Variants in RERE observed in about 807,000 individuals in gnomAD.
The protein encoded by RERE is arginine-glutamic acid dipeptide repeats, also known as arginine-glutamic acid dipeptide repeats protein.
In RERE, 40 loss-of-function variants were observed where a neutral mutation model predicts 146.1. The observed-to-expected ratio is 0.27, with a 90% CI of 0.21 to 0.36. The LOEUF is 0.36. Among genes scored for constraint, RERE ranks in the 10% least tolerant of loss-of-function variants. RERE has a pLI of 1.00. For synonymous variants in RERE, 1,003 were observed against 866.0 expected (o/e 1.16, Z -2.78); for missense variants, 1,933 against 2,138.7 (o/e 0.90, Z 1.90).
At chr1:8,575,383 C>T (rs916765388) in intron 4 of RERE, among the ~76,000 whole-genome samples, 16 of 135,462 alleles carry the variant, frequency 1.2e-4, no homozygotes, top group Admixed American at 9.7e-4. Flanking sequence ...AAAAAGTAAC[C>T]TTTTTTTTTT....
At chr1:8,766,577 A>G (rs1048410515) in intron 1 of RERE, among the ~76,000 whole-genome samples, 1 of 148,760 alleles carries the variant, frequency 6.7e-6, no homozygotes, top group Non-Finnish European at 1.5e-5. Flanking sequence ...AAGAAAAAAA[A>G]GAGAGAGAGA....
At chr1:8,359,124 C>T (rs1342209206) in intron 19 of RERE, among the ~76,000 whole-genome samples, 1 of 152,196 alleles carries the variant, frequency 6.6e-6, no homozygotes, top group Non-Finnish European at 1.5e-5. Context: ...CGCAGCTCCC[C>T]TCAGGCCCAG....
chr1:8,365,257 C>T (rs958577278), intron 13 of RERE, among the ~76,000 whole-genome samples: 1 of 152,182 alleles, frequency 6.6e-6, no homozygotes, highest in Admixed American at 6.5e-5. Flanking sequence ...CACCGGCGCC[C>T]CTCAGGTTCA....
intron 8 of RERE, among the ~76,000 whole-genome samples, chr1:8,503,990 T>A (rs936871831): frequency 1.2e-4 from 18 of 152,058 alleles, no homozygotes; most frequent in Non-Finnish European, 2.6e-4. Context: ...AAGATATACA[T>A]AAAAGAAGGA....
intron 1 of RERE, among the ~76,000 whole-genome samples, chr1:8,744,654 C>CT (rs1266727420): frequency 6.6e-6 from 1 of 152,158 alleles, no homozygotes; most frequent in Non-Finnish European, 1.5e-5. Context: ...GACCTTCAAA[C>CT]TTTAGCGATA....
At chr1:8,683,031 CAAAAAAAAAA>C (rs71580039) in intron 1 of RERE, among the ~76,000 whole-genome samples, 10 of 65,728 alleles carry the variant, frequency 1.5e-4, no homozygotes, top group South Asian at 7.3e-4. Flanking sequence ...CTGTCTTTAC[CAAAAAAAAAA>C]AAAAAAAAAA....
chr1:8,735,410 A>C (rs2124493776), intron 1 of RERE, among the ~76,000 whole-genome samples: 1 of 152,366 alleles, frequency 6.6e-6, no homozygotes, highest in Admixed American at 6.5e-5. Flanking sequence ...CATATACAGC[A>C]TGCACACACA....
intron 11 of RERE, chr1:8,465,281 A>G: frequency 6.2e-6 from 1 of 162,268 alleles, no homozygotes; most frequent in African/African-American, 2.4e-5. Context: ...TCAACAGGCC[A>G]CAGCAATACA....
At chr1:8,485,104 G>A (rs535150481) in intron 10 of RERE, among the ~76,000 whole-genome samples, 1 of 152,288 alleles carries the variant, frequency 6.6e-6, no homozygotes, top group African/African-American at 2.4e-5. Context: ...GCTTACTCCT[G>A]TAACCCCAGC....
At chr1:8,725,796 T>C (rs562268434) in intron 1 of RERE, among the ~76,000 whole-genome samples, 19 of 152,184 alleles carry the variant, frequency 1.2e-4, no homozygotes, top group African/African-American at 1.9e-4. Context: ...TGAAAATGCA[T>C]AGAAGGTTAA....
chr1:8,631,194 T>C (rs561128782), intron 2 of RERE, among the ~76,000 whole-genome samples: 52 of 152,334 alleles, frequency 3.4e-4, no homozygotes, highest in Admixed American at 9.8e-4. Context: ...TCCCAATGTA[T>C]TGAAAACTTA....
chr1:8,791,814 T>C (rs1472809363), intron 1 of RERE, among the ~76,000 whole-genome samples: 1 of 151,626 alleles, frequency 6.6e-6, no homozygotes, highest in African/African-American at 2.4e-5. Flanking sequence ...CCTATAACTC[T>C]TTAAGAGTCA....
chr1:8,520,754 TAAAA>T (rs145670197), intron 7 of RERE, among the ~76,000 whole-genome samples: 1 of 92,976 alleles, frequency 1.1e-5, no homozygotes, highest in Non-Finnish European at 1.9e-5. Flanking sequence ...AAAAACTTTT[TAAAA>T]AAAAAAAAAA....
intron 1 of RERE, among the ~76,000 whole-genome samples, chr1:8,773,511 T>C (rs1239488193): frequency 6.6e-6 from 1 of 151,894 alleles, no homozygotes; most frequent in Non-Finnish European, 1.5e-5. Context: ...CTGCACAACA[T>C]GGCAAAACCC....
intron 1 of RERE, among the ~76,000 whole-genome samples, chr1:8,680,062 A>G (rs1638928964): frequency 6.6e-6 from 1 of 152,138 alleles, no homozygotes; most frequent in Admixed American, 6.5e-5. Context: ...TTAGTGATGT[A>G]TGGGGAAGGT....
intron 7 of RERE, among the ~76,000 whole-genome samples, chr1:8,528,854 G>C (rs1048448432): frequency 6.6e-6 from 1 of 152,070 alleles, no homozygotes; most frequent in Admixed American, 6.6e-5. Context: ...AAAAGAGATA[G>C]AGGTTATCTC....
At chr1:8,405,739 A>T (rs1264312362) in intron 12 of RERE, among the ~76,000 whole-genome samples, 1 of 152,034 alleles carries the variant, frequency 6.6e-6, no homozygotes, top group Non-Finnish European at 1.5e-5. Context: ...TCCTGGTTCA[A>T]GCGATTCTCC....
intron 1 of RERE, among the ~76,000 whole-genome samples, chr1:8,664,313 C>A (rs1435874448): frequency 6.6e-6 from 1 of 152,146 alleles, no homozygotes; most frequent in East Asian, 1.9e-4. Flanking sequence ...ACTTCTTATA[C>A]TAGGCCAACC....
intron 1 of RERE, among the ~76,000 whole-genome samples, chr1:8,789,297 A>ATATATAT (rs1468727127): frequency 1.6e-4 from 10 of 64,144 alleles, no homozygotes; most frequent in South Asian, 1.0e-3. Context: ...AAAAAAAAAA[A>ATATATAT]AAAAATATAT....
Sources: allele counts gnomAD v4.1 joint callset (sites outside exome capture counted in the v4.1 genomes callset), GRCh38; gene constraint gnomAD v4.1.1; transcripts MANE v1.5; gene names NCBI Gene and HGNC (gene_info 2026-07-23, HGNC 2026-07-21).